Variants in NECTIN4 observed in about 807,000 individuals in gnomAD.
NECTIN4 encodes nectin-4.
In NECTIN4, 19 loss-of-function variants were observed where a neutral mutation model predicts 51.7. That is an observed-to-expected ratio of 0.37 (90% CI 0.26 to 0.54). The LOEUF is 0.54. Among genes scored for constraint, NECTIN4 ranks in the 20% least tolerant of loss-of-function variants. NECTIN4 has a pLI of 0.86. For synonymous variants in NECTIN4, 283 were observed against 286.9 expected (o/e 0.99, Z 0.14); for missense variants, 619 against 662.4 (o/e 0.93, Z 0.72).
chr1:161,074,243 G>T lies in NECTIN4; in HGVS notation c.1131C>A (p.Arg377=). Residue 377 remains arginine, a synonymous_variant, in exon 6 of 9, where the codon CGC becomes CGA. Transcript: ENST00000368012. Reference sequence around the variant, plus strand: ...ATTTCTGGGTCATCTGCTGGGCCTTGCGCCGATGGTATCGGGACATGAGCA... The same window carrying T: ...ATTTCTGGGTCATCTGCTGGGCCTTTCGCCGATGGTATCGGGACATGAGCA... ...VVVLMSRYHR[R]KAQQMTQKYE... 1 of 1,614,104 alleles carries T rather than the reference G, an allele frequency of 6.2e-7. No individual in the cohort carries two copies. Among genetic ancestry groups the T allele is most frequent in the Non-Finnish European group, 8.5e-7 (1 of 1,180,022 alleles).
intron 5 of NECTIN4, 50 bp downstream of exon 5, chr1:161,074,561 C>A: frequency 6.2e-7 from 1 of 1,610,872 alleles, no homozygotes; most frequent in Non-Finnish European, 8.5e-7. Context: ...GCTGCCCCCA[C>A]CAAGCCCTTG....
At chr1:161,074,101 G>A (rs1653305596) in intron 6 of NECTIN4, 116 bp downstream of exon 6, 2 of 1,337,654 alleles carry the variant, frequency 1.5e-6, no homozygotes, top group Admixed American at 3.5e-5. Context: ...CCCACCTCTA[G>A]TCTGAAACTC....
chr1:161,074,469 C>T, intron 5 of NECTIN4, 96 bp from the exon 6 acceptor site: 1 of 1,590,282 alleles, frequency 6.3e-7, no homozygotes, highest in Non-Finnish European at 8.6e-7. Context: ...AACCACACCT[C>T]AGTTTGATTC....
chr1:161,082,700 A>G (rs1026823966), intron 1 of NECTIN4, among the ~76,000 whole-genome samples: 5 of 151,962 alleles, frequency 3.3e-5, no homozygotes, highest in Non-Finnish European at 7.4e-5. Flanking sequence ...TGTTGGTCCC[A>G]CCCAGCCCAG....
chr1:161,087,127 CAG>C (rs1653984765), intron 1 of NECTIN4: 3 of 152,202 alleles, frequency 2.0e-5, no homozygotes, highest in African/African-American at 4.8e-5. Flanking sequence ...AGGATTTTTT[CAG>C]AGACATGAAA....
intron 1 of NECTIN4, among the ~76,000 whole-genome samples, chr1:161,088,905 C>T (rs551658668): frequency 1.3e-5 from 2 of 150,750 alleles, no homozygotes; most frequent in South Asian, 2.1e-4. Context: ...ACCTGCCTGC[C>T]CATCTACACT....
Position 161,079,967 on chromosome 1 carries a change from G to C in NECTIN4, c.80-18C>G, listed in dbSNP as rs758269774. 6.3e-7 allele frequency: 1 copy of C among 1,582,776 alleles called. No individual in the cohort carries two copies. The highest frequency in any genetic ancestry group is 8.6e-7 in the Non-Finnish European group (1 of 1,161,088). Reference sequence around the variant, plus strand: ...GCACCGGCCTGCAGGGGGCAGAGAGGGACAGCCACCATTAGGGGTGCTGCC... The same window carrying C: ...GCACCGGCCTGCAGGGGGCAGAGAGCGACAGCCACCATTAGGGGTGCTGCC... On this transcript the variant is annotated intron_variant, in intron 1 of 8. Coordinates refer to ENST00000368012, the MANE Select transcript of NECTIN4 (RefSeq NM_030916.3).
rs934932648 is a variant in NECTIN4 at position 161,078,278 on chromosome 1, C to T, written c.440-535G>A. 2.2e-5 allele frequency among the ~76,000 whole-genome samples: 3 copies of T among 134,852 alleles called. No individual in the cohort carries two copies. In the Admixed American group the frequency reaches 2.3e-4, roughly 10 times the overall value. 88.5% of individuals were successfully genotyped at this position (134,852 alleles called of 152,430 possible). ...TGTGAATAAAGGGAAACTATAAAAA[C>T]CTTTATTTTATGTATTTATTTATTT... is the stretch of plus-strand genomic sequence containing the variant. On this transcript the variant is annotated intron_variant, in intron 2 of 8. Transcript: ENST00000368012.
chr1:161,088,129 T>C (rs1256792394), intron 1 of NECTIN4, among the ~76,000 whole-genome samples: 1 of 152,034 alleles, frequency 6.6e-6, no homozygotes, highest in African/African-American at 2.4e-5. Flanking sequence ...AAAATCAGAG[T>C]TGGAGCAGCC....
At position 161,072,611 on chromosome 1, in the gene NECTIN4, T is replaced by C. The variant is rs763571076; in HGVS notation, c.*50A>G. 3 of 1,507,952 alleles carry C rather than the reference T, an allele frequency of 2.0e-6. No homozygotes were observed. Among genetic ancestry groups the C allele is most frequent in the Non-Finnish European group, 2.8e-6 (3 of 1,083,164 alleles). 93.4% of individuals were successfully genotyped at this position (1,507,952 alleles called of 1,614,324 possible). ...GAGGCCCCCAAGATGAGCTAAAATC[T>C]CCCATGTCAACAGAAGGAGCCAGGC... On this transcript the variant is annotated 3_prime_UTR_variant, in exon 9 of 9. Coordinates refer to ENST00000368012, the MANE Select transcript of NECTIN4 (RefSeq NM_030916.3).
At chr1:161,077,362 G>T in intron 3 of NECTIN4, 91 bp downstream of exon 3, 2 of 1,433,704 alleles carry the variant, frequency 1.4e-6, no homozygotes, top group Non-Finnish European at 2.0e-6. Flanking sequence ...GACCCAGGCT[G>T]GCCAGCCTGG....
rs1653598181 is a variant in NECTIN4, at chr1:161,079,856, G to A, written c.173C>T (p.Ser58Phe). 2 of 1,613,796 alleles carry A rather than the reference G, an allele frequency of 1.2e-6. No individual in the cohort carries two copies. The highest frequency in any genetic ancestry group is 1.3e-5 in the African/African-American group (1 of 74,926). ...TGCCACTTGCCCCACTTGCTCGCCG[G>A]AGTCCCCTCGGTAGAAGCAGGGCAG... ...AKLPCFYRGD[S>F]GEQVGQVAWA... Residue 58 changes from serine (S) to phenylalanine (F), a missense_variant, in exon 2 of 9, where the codon TCC becomes TTC. Around this residue, in one of 3 missense-constraint regions of NECTIN4, gnomAD observed 218 missense variants for 186.3 expected, o/e 1.17. Coordinates refer to ENST00000368012, the MANE Select transcript of NECTIN4 (RefSeq NM_030916.3).
chr1:161,079,318 T>C lies in NECTIN4; in HGVS notation c.439+272A>G, dbSNP rs541087435. Among the ~76,000 whole-genome samples the C allele has an allele frequency of 3.9e-5, 6 of 152,348 alleles. No homozygotes were observed. In the East Asian group the frequency reaches 1.2e-3, roughly 29 times the overall value. ...CAGAAAAGAGAATAAGCCAGTGCCA[T>C]ATTGCCACAGGGCAAAAGTAACAGA... is the stretch of plus-strand genomic sequence containing the variant. On this transcript the variant is annotated intron_variant, in intron 2 of 8. Coordinates refer to ENST00000368012, the MANE Select transcript of NECTIN4 (RefSeq NM_030916.3).
chr1:161,076,225 G>A (rs973510332), intron 4 of NECTIN4, 130 bp downstream of exon 4: 5 of 995,044 alleles, frequency 5.0e-6, no homozygotes, highest in Non-Finnish European at 7.5e-6. Context: ...TAATACAAGA[G>A]ATCTGAACAC....
At chr1:161,074,147 G>T in intron 6 of NECTIN4, 70 bp downstream of exon 6, 1 of 1,592,872 alleles carries the variant, frequency 6.3e-7, no homozygotes. Context: ...CTCGGTCCTG[G>T]CCCACCTCCT....
At chr1:161,075,519 C>T (rs1307717497) in intron 4 of NECTIN4, among the ~76,000 whole-genome samples, 9 of 150,154 alleles carry the variant, frequency 6.0e-5, no homozygotes, top group Admixed American at 4.6e-4. Flanking sequence ...GCCTATAATT[C>T]CAGCACTTTG....
Position 161,073,776 on chromosome 1 carries a change from T to A in NECTIN4, c.1177A>T (p.Thr393Ser), listed in dbSNP as rs1235165709. 6.2e-7 allele frequency: 1 copy of A among 1,614,114 alleles called. No individual in the cohort carries two copies. The highest frequency in any genetic ancestry group is 1.1e-5 in the South Asian group (1 of 91,086). Residue 393 changes from threonine to serine, a missense_variant, in exon 7 of 9, where the codon ACC becomes TCC. By Grantham distance (58) the Thr-to-Ser change is moderately conservative (BLOSUM62 1). Transcript: ENST00000368012. ...AGCCTCCGGATGGAGTTCTCCCTGGTCAGGGTCAGCTCCTCCTCACTGGGA... is the reference window on the plus strand; with the variant it reads ...AGCCTCCGGATGGAGTTCTCCCTGGACAGGGTCAGCTCCTCCTCACTGGGA... ...TQKYEEELTL[T>S]RENSIRRLHS... is the part of the protein sequence containing the mutation.
In NECTIN4 at chr1:161,072,485, T is replaced by C. The variant is rs1004254187; in HGVS notation, c.*176A>G. 2 of 661,896 alleles carry C rather than the reference T, an allele frequency of 3.0e-6. No homozygotes were observed. Among genetic ancestry groups the C allele is most frequent in the African/African-American group, 3.6e-5 (2 of 56,216 alleles). 41.0% of individuals were successfully genotyped at this position (661,896 alleles called of 1,614,324 possible). A position where few individuals can be genotyped will look rare whatever the true frequency, so the allele number is the denominator to read the frequency against. On this transcript the variant is annotated 3_prime_UTR_variant, in exon 9 of 9. Coordinates refer to ENST00000368012, the MANE Select transcript of NECTIN4 (RefSeq NM_030916.3). ...GACCTGCATGCATGGTGGGAGAGAC[T>C]CAATTGGTGGAGCCCTCCCGATGAA...
intron 3 of NECTIN4, 46 bp downstream of exon 3, chr1:161,077,407 G>A (rs796413485): frequency 6.2e-7 from 1 of 1,608,728 alleles, no homozygotes; most frequent in Non-Finnish European, 8.5e-7. Flanking sequence ...TCACCAATCT[G>A]CTGAGAACCC....
Sources: allele counts gnomAD v4.1 joint callset (sites outside exome capture counted in the v4.1 genomes callset), GRCh38; gene constraint gnomAD v4.1.1; regional missense constraint gnomAD v4.1.1; transcripts MANE v1.5; gene names NCBI Gene and HGNC (gene_info 2026-07-23, HGNC 2026-07-21).